The following STRBP variants were observed in gnomAD, a reference collection of about 807,000 sequenced individuals.
STRBP encodes the protein spermatid perinuclear RNA-binding protein.
Under a neutral mutation model 80.1 loss-of-function variants are expected in STRBP, and 13 were observed. That is an observed-to-expected ratio of 0.16 (90% confidence interval 0.11 to 0.26). STRBP has a LOEUF of 0.26. Ranked by LOEUF, STRBP falls within the 10% of genes least tolerant of loss-of-function variation. The pLI is 1.00. For missense variants in STRBP, 485 were observed against 815.2 expected (o/e 0.59, Z 4.93); for synonymous variants, 284 against 291.2 (o/e 0.98, Z 0.25).
At chr9:123,234,270 G>A (rs1187757015) in intron 2 of STRBP, among the ~76,000 whole-genome samples, 2 of 149,730 alleles carry the variant, frequency 1.3e-5, no homozygotes, top group Non-Finnish European at 3.0e-5. Flanking sequence ...AACTAGTTTT[G>A]GAAAACATTA....
chr9:123,128,165 T>C (rs1334509176), intron 18 of STRBP, 49 bp downstream of exon 18: 2 of 1,605,776 alleles, frequency 1.2e-6, no homozygotes, highest in Non-Finnish European at 1.7e-6. Context: ...GTGCTTTGGA[T>C]TGCTGTGACA....
intron 2 of STRBP, among the ~76,000 whole-genome samples, chr9:123,186,818 C>CT (rs201967090): frequency 0.021 from 870 of 42,092 alleles, 6 homozygotes; most frequent in Middle Eastern, 0.065. Context: ...AAGAGTTTTT[C>CT]TTTTTTTAAA....
chr9:123,199,982 C>T (rs1036283101), intron 2 of STRBP, among the ~76,000 whole-genome samples: 1 of 152,128 alleles, frequency 6.6e-6, no homozygotes, highest in Non-Finnish European at 1.5e-5. Flanking sequence ...TTCCCCATTC[C>T]GTATGATGTT....
Position 123,136,898 on chromosome 9 carries a change from T to G in STRBP, c.1498-383A>C, listed in dbSNP as rs1199565084. ...CTAAGGGTTCATCATTTTTCTTCTT[T>G]AGGGTTAGGAAGAAATAACTCTCAA... On this transcript the variant is annotated intron_variant, in intron 14 of 18. Transcript: ENST00000348403. The surrounding 1 kb of genome is among the most constrained non-coding windows in gnomAD (Gnocchi z 4.2). 6.6e-6 allele frequency among the ~76,000 whole-genome samples: 1 copy of G among 152,186 alleles called. No homozygotes were observed. Among genetic ancestry groups the G allele is most frequent in the East Asian group, 1.9e-4 (1 of 5,196 alleles).
chr9:123,147,377 C>A (rs1000089836), intron 12 of STRBP, among the ~76,000 whole-genome samples: 27 of 152,148 alleles, frequency 1.8e-4, no homozygotes, highest in African/African-American at 6.0e-4. Flanking sequence ...TCAAATCAAT[C>A]AAATTCTTCA....
chr9:123,231,719 G>C (rs2040403117), intron 2 of STRBP, among the ~76,000 whole-genome samples: 1 of 152,110 alleles, frequency 6.6e-6, no homozygotes, highest in African/African-American at 2.4e-5. Flanking sequence ...AAGATTTTCT[G>C]TCTCTGCCCC....
chr9:123,125,495 G>T lies in STRBP; in HGVS notation c.*102C>A. 2 of 1,312,592 alleles carry T rather than the reference G, an allele frequency of 1.5e-6. No homozygotes were observed. Among genetic ancestry groups the T allele is most frequent in the South Asian group, 2.9e-5 (1 of 34,980 alleles). The allele number at this position is 1,312,592 out of a possible 1,614,324, so 81.3% of individuals were successfully genotyped here. The stretch of plus-strand genomic sequence containing the variant: ...AAAGATGTTCTTTACAAATAATTTT[G>T]ATCAAGTATGTGTTCAAAGAAAGCA... On this transcript the variant is annotated 3_prime_UTR_variant, in exon 19 of 19. Coordinates refer to ENST00000348403, the MANE Select transcript of STRBP (RefSeq NM_018387.5).
Position 123,196,970 on chromosome 9 carries a change from G to C in STRBP, c.-164-12672C>G, listed in dbSNP as rs181245466. 2.6e-5 allele frequency among the ~76,000 whole-genome samples: 4 copies of C among 152,248 alleles called. No homozygotes were observed. In the East Asian group the frequency reaches 7.7e-4, roughly 29 times the overall value. ...TTGCAGCACTATTAACAATAGCCAA[G>C]ATTTGGAAGCAACCTAAATGTCCGT... On this transcript the variant is annotated intron_variant, in intron 2 of 18. Coordinates refer to ENST00000348403, the MANE Select transcript of STRBP (RefSeq NM_018387.5).
intron 2 of STRBP, among the ~76,000 whole-genome samples, chr9:123,206,796 G>A (rs1194215387): frequency 6.6e-6 from 1 of 151,982 alleles, no homozygotes; most frequent in Non-Finnish European, 1.5e-5. Context: ...CCGCCACCAC[G>A]CTCAGCTAAT....
intron 1 of STRBP, among the ~76,000 whole-genome samples, chr9:123,241,561 T>C (rs2040696028): frequency 6.6e-6 from 1 of 151,934 alleles, no homozygotes; most frequent in Non-Finnish European, 1.5e-5. Context: ...ACATACCTTG[T>C]TCCTCTCCCA....
At chr9:123,203,058 T>C (rs2039384509) in intron 2 of STRBP, among the ~76,000 whole-genome samples, 1 of 152,092 alleles carries the variant, frequency 6.6e-6, no homozygotes, top group Non-Finnish European at 1.5e-5. Context: ...GTATTCCTGC[T>C]AATCTACATT....
chr9:123,157,507 A>G (rs1284625580), intron 11 of STRBP, among the ~76,000 whole-genome samples: 1 of 152,140 alleles, frequency 6.6e-6, no homozygotes, highest in East Asian at 1.9e-4. Flanking sequence ...GGTCCATTCT[A>G]TTTATTGTAT....
chr9:123,180,014 G>A (rs1245808285), intron 3 of STRBP, among the ~76,000 whole-genome samples: 1 of 152,166 alleles, frequency 6.6e-6, no homozygotes, highest in African/African-American at 2.4e-5. Flanking sequence ...AGCACTTTGG[G>A]AGGCTGAGGT....
At chr9:123,199,438 G>C (rs889868229) in intron 2 of STRBP, among the ~76,000 whole-genome samples, 8 of 152,126 alleles carry the variant, frequency 5.3e-5, no homozygotes, top group African/African-American at 1.9e-4. Context: ...TATTTTGATG[G>C]GAAGTGCATT....
chr9:123,214,163 C>G (rs906922144), intron 2 of STRBP, among the ~76,000 whole-genome samples: 4 of 151,662 alleles, frequency 2.6e-5, no homozygotes, highest in African/African-American at 4.9e-5. Flanking sequence ...CACACACACA[C>G]ACACACACAC....
At chr9:123,198,389 C>T (rs1236935853) in intron 2 of STRBP, among the ~76,000 whole-genome samples, 1 of 152,060 alleles carries the variant, frequency 6.6e-6, no homozygotes, top group Non-Finnish European at 1.5e-5. Context: ...CCACCCACCT[C>T]AGCCTTCCAA....
chr9:123,210,858 T>G (rs546074026), intron 2 of STRBP, among the ~76,000 whole-genome samples: 2 of 150,444 alleles, frequency 1.3e-5, no homozygotes, highest in East Asian at 3.9e-4. Flanking sequence ...CCAAATGCAA[T>G]AAAAATGAAA....
chr9:123,192,225 G>T (rs2038949634), intron 2 of STRBP, among the ~76,000 whole-genome samples: 1 of 152,146 alleles, frequency 6.6e-6, no homozygotes, highest in South Asian at 2.1e-4. Flanking sequence ...CAGCAGAGAG[G>T]TCTGGATTAG....
chr9:123,168,246 G>A (rs2132420630), intron 6 of STRBP: 3 of 981,672 alleles, frequency 3.1e-6, no homozygotes, highest in East Asian at 1.1e-4. Context: ...ACAGTTAATG[G>A]TGAACTGTAA....
Sources: gnomAD v4.1 joint callset for allele counts (sites outside exome capture counted in the v4.1 genomes callset) on GRCh38, gnomAD v4.1.1 for gene constraint, Gnocchi (gnomAD v3.1) non-coding constraint, MANE v1.5 for transcripts, NCBI Gene and HGNC (gene_info 2026-07-23, HGNC 2026-07-21) for gene names.